The following JPH1 variants were observed in gnomAD, a reference collection of about 807,000 sequenced individuals.
JPH1 encodes junctophilin-1.
A neutral mutation model predicts 53.6 loss-of-function variants in JPH1; 12 were observed. The ratio of observed to expected loss-of-function variants is 0.22; its 90% CI spans 0.14 to 0.36. JPH1 has a LOEUF of 0.36. Ranked by LOEUF, JPH1 falls within the 10% of genes least tolerant of loss-of-function variation. The probability of loss-of-function intolerance (pLI) is 1.00; values close to 1 mark genes in which losing one functional copy is unlikely to be tolerated. For synonymous variants in JPH1, 375 were observed against 363.8 expected, an observed-to-expected ratio of 1.03 and a Z score of -0.35; for missense variants, 808 against 905.5, an observed-to-expected ratio of 0.89 and a Z score of 1.38.
chr8:74,305,788 A>G (rs59637764), intron 2 of JPH1, among the ~76,000 whole-genome samples: 8,318 of 152,270 alleles, frequency 0.055, 764 homozygotes, highest in African/African-American at 0.19. Context: ...ATGGAAGTCC[A>G]TGCCTACACA....
At position 74,315,301 on chromosome 8, in the gene JPH1, C is replaced by T. The variant is rs1422241538; in HGVS notation, c.699G>A (p.Ser233=). Residue 233 remains serine, a synonymous_variant, in exon 2 of 6, where the codon TCG becomes TCA. Transcript: ENST00000342232. The surrounding 1 kb of genome is among the most constrained non-coding windows in gnomAD (Gnocchi z 6.3). The part of the protein sequence containing the change: ...LRKSESKSSI[S]SKRSSVRSDA... ...CGCTGCGGACAGAGCTGCGCTTGCT[C>T]GAGATGGAAGACTTGGATTCGGACT... is the stretch of plus-strand genomic sequence containing the variant. 1 of 1,614,016 alleles carries T rather than the reference C, an allele frequency of 6.2e-7. No homozygotes were observed. The highest frequency in any genetic ancestry group is 2.2e-5 in the East Asian group (1 of 44,890).
intron 4 of JPH1, 93 bp downstream of exon 4, chr8:74,244,436 C>T (rs1201456252): frequency 4.4e-6 from 6 of 1,366,294 alleles, no homozygotes; most frequent in Non-Finnish European, 6.0e-6. Flanking sequence ...CTTGGTTAGC[C>T]TGGCTGTGAT....
intron 2 of JPH1, among the ~76,000 whole-genome samples, chr8:74,289,135 G>C (rs1807251525): frequency 6.6e-6 from 1 of 152,196 alleles, no homozygotes; most frequent in Non-Finnish European, 1.5e-5. Context: ...TGTAAACCAG[G>C]CAACCTTCAG....
At chr8:74,285,823 T>C (rs942666057) in intron 2 of JPH1, among the ~76,000 whole-genome samples, 3 of 152,228 alleles carry the variant, frequency 2.0e-5, no homozygotes, top group African/African-American at 7.2e-5. Flanking sequence ...TGTAACCATC[T>C]GCATCAAAGA....
chr8:74,246,536 C>G (rs933759656), intron 3 of JPH1, among the ~76,000 whole-genome samples: 6 of 152,086 alleles, frequency 3.9e-5, no homozygotes, highest in Middle Eastern at 3.4e-3. Context: ...TAAAGCCTCA[C>G]CAAAATCTTA....
intron 2 of JPH1, among the ~76,000 whole-genome samples, chr8:74,287,754 T>TA (rs1378082007): frequency 6.6e-6 from 1 of 152,014 alleles, no homozygotes. Flanking sequence ...CGTCTGACTA[T>TA]ACATTTCATT....
chr8:74,251,154 C>A (rs968345145), intron 3 of JPH1, among the ~76,000 whole-genome samples: 6 of 152,146 alleles, frequency 3.9e-5, no homozygotes, highest in Admixed American at 3.3e-4. Context: ...TAGAAACGTC[C>A]TTGCCAATGT....
At chr8:74,283,638 A>G (rs1807076024) in intron 2 of JPH1, among the ~76,000 whole-genome samples, 2 of 152,236 alleles carry the variant, frequency 1.3e-5, no homozygotes, top group Non-Finnish European at 2.9e-5. Flanking sequence ...TTAATCTTTT[A>G]GTTCTATTTT....
At chr8:74,312,694 C>A (rs1438871417) in intron 2 of JPH1, among the ~76,000 whole-genome samples, 1 of 152,060 alleles carries the variant, frequency 6.6e-6, no homozygotes, top group Non-Finnish European at 1.5e-5. Context: ...CCCTACAGTC[C>A]CTGGCGACCA....
intron 2 of JPH1, among the ~76,000 whole-genome samples, chr8:74,278,473 G>A (rs187503181): frequency 4.3e-4 from 66 of 152,230 alleles, no homozygotes; most frequent in African/African-American, 1.5e-3. Flanking sequence ...TCCTGTTCCC[G>A]TGACATTACA....
intron 2 of JPH1, among the ~76,000 whole-genome samples, chr8:74,302,511 AG>A (rs1188483370): frequency 6.6e-6 from 1 of 152,214 alleles, no homozygotes; most frequent in Non-Finnish European, 1.5e-5. Context: ...TCCTGTTATC[AG>A]GTGTAAAATT....
chr8:74,265,765 C>A (rs1331813404), intron 2 of JPH1, among the ~76,000 whole-genome samples: 3 of 152,088 alleles, frequency 2.0e-5, no homozygotes, highest in Non-Finnish European at 2.9e-5. Context: ...AACTCCCACA[C>A]TTCAACAACA....
chr8:74,292,170 T>TATA lies in JPH1; in HGVS notation c.1139+22688_1139+22690dup, dbSNP rs1205604564. On this transcript the variant is annotated intron_variant, in intron 2 of 5. Coordinates refer to ENST00000342232, the MANE Select transcript of JPH1 (RefSeq NM_020647.4). The stretch of plus-strand genomic sequence containing the variant: ...GCACATGTACCCTAGAACTTAAAAG[T>TATA]ATAATAATAATAAAAAATTAAACAG... Among the ~76,000 whole-genome samples, 3 of 152,180 alleles carry TATA rather than the reference T, an allele frequency of 2.0e-5. No homozygotes were observed. The South Asian group carries it at 6.2e-4, about 32-fold the overall frequency.
chr8:74,236,232 T>G lies in JPH1; in HGVS notation c.*819A>C, dbSNP rs1274371616. ...CTAAATTTTAAAGATAAATAACCTT[T>G]TACAAGTATAGGAAGAATAAATGAC... On this transcript the variant is annotated 3_prime_UTR_variant, in exon 6 of 6. Transcript: ENST00000342232. 1 of 152,200 alleles carries G rather than the reference T, an allele frequency of 6.6e-6. No homozygotes were observed. Among genetic ancestry groups the G allele is most frequent in the Non-Finnish European group, 1.5e-5 (1 of 68,038 alleles). The allele number at this position is 152,200 out of a possible 1,614,324, so 9.4% of individuals were successfully genotyped here.
At chr8:74,267,220 C>G (rs868415989) in intron 2 of JPH1, among the ~76,000 whole-genome samples, 4 of 152,216 alleles carry the variant, frequency 2.6e-5, no homozygotes, top group Non-Finnish European at 4.4e-5. Flanking sequence ...AGCGTCATGT[C>G]ACAGAAGATG....
rs1808328352 is a variant in JPH1, at chr8:74,321,529, C to T, written c.-242G>A. The T allele has an allele frequency of 7.0e-6, 3 of 430,506 alleles. No homozygotes were observed. The highest frequency in any genetic ancestry group is 4.6e-5 in the Admixed American group (1 of 21,846). The allele number at this position is 430,506 out of a possible 1,614,324, so 26.7% of individuals were successfully genotyped here. Reference sequence around the variant, plus strand: ...TCGCCGCCGCCGCCTGGGCCAGCGCCGCGCGCGAGAGGACAGCCCAGGTTC... The same window carrying T: ...TCGCCGCCGCCGCCTGGGCCAGCGCTGCGCGCGAGAGGACAGCCCAGGTTC... On this transcript the variant is annotated 5_prime_UTR_variant, in exon 1 of 6. Transcript: ENST00000342232. The surrounding 1 kb of genome is among the most constrained non-coding windows in gnomAD (Gnocchi z 4.3).
chr8:74,306,705 T>A (rs1807845538), intron 2 of JPH1, among the ~76,000 whole-genome samples: 1 of 152,020 alleles, frequency 6.6e-6, no homozygotes, highest in Non-Finnish European at 1.5e-5. Flanking sequence ...TTCAAGCGAT[T>A]CCTGCCTCAG....
chr8:74,306,069 C>T (rs1030804526), intron 2 of JPH1, among the ~76,000 whole-genome samples: 1 of 152,076 alleles, frequency 6.6e-6, no homozygotes, highest in African/African-American at 2.4e-5. Context: ...GGAGGTTTTA[C>T]AAGGCTGTCA....
intron 3 of JPH1, among the ~76,000 whole-genome samples, chr8:74,254,295 CAT>C (rs1806153893): frequency 6.6e-6 from 1 of 152,102 alleles, no homozygotes; most frequent in Admixed American, 6.5e-5. Context: ...ACAAAAACCA[CAT>C]GATTATCTCA....
Sources: gnomAD v4.1 joint callset for allele counts (sites outside exome capture counted in the v4.1 genomes callset) on GRCh38, gnomAD v4.1.1 for gene constraint, Gnocchi (gnomAD v3.1) non-coding constraint, MANE v1.5 for transcripts, NCBI Gene and HGNC (gene_info 2026-07-23, HGNC 2026-07-21) for gene names.